Variants in VSTM4 observed in about 807,000 individuals in gnomAD.
VSTM4 encodes the protein V-set and transmembrane domain-containing protein 4.
VSTM4 carries 20 observed loss-of-function variants against 36.4 expected under a neutral mutation model. The observed-to-expected ratio is 0.55, with a 90% CI of 0.39 to 0.80. VSTM4 has a LOEUF of 0.80. Ranked by LOEUF, VSTM4 falls within the 30% of genes least tolerant of loss-of-function variation. The pLI is 0.00. For synonymous variants in VSTM4, 182 were observed against 173.9 expected (o/e 1.05, Z -0.37); for missense variants, 392 against 404.5 (o/e 0.97, Z 0.26).
chr10:49,051,084 G>T (rs1032932079), intron 5 of VSTM4, among the ~76,000 whole-genome samples: 1 of 152,036 alleles, frequency 6.6e-6, no homozygotes, highest in African/African-American at 2.4e-5. Flanking sequence ...GTCACCTTAG[G>T]GTTCACTCTT....
rs1023927374 is a variant in VSTM4, at chr10:49,043,712, C to A, written c.837+3271G>T. Among the ~76,000 whole-genome samples, 4 of 152,174 alleles carry A rather than the reference C, an allele frequency of 2.6e-5. No individual in the cohort carries two copies. In the South Asian group the frequency reaches 6.2e-4, roughly 24 times the overall value. On this transcript the variant is annotated intron_variant, in intron 7 of 7. Coordinates refer to ENST00000332853, the MANE Select transcript of VSTM4 (RefSeq NM_001031746.5). ...AAATAATGATTGTTGAAATAGAAGG[C>A]ATAAGGTAAAATAAAAAAGAGTCTG...
chr10:49,102,449 A>G (rs1844685485), intron 2 of VSTM4: 32 of 985,340 alleles, frequency 3.2e-5, no homozygotes, highest in Non-Finnish European at 3.9e-5. Flanking sequence ...TTTTATGTAT[A>G]ATATTTTTGA....
chr10:49,064,790 A>G (rs1843943562), intron 4 of VSTM4, 54 bp from the exon 5 acceptor site: 2 of 1,569,580 alleles, frequency 1.3e-6, no homozygotes, highest in Admixed American at 1.8e-5. Flanking sequence ...TCAGATATAT[A>G]TGCTCCAGGA....
At chr10:49,109,131 C>T (rs1241097788) in intron 1 of VSTM4, among the ~76,000 whole-genome samples, 2 of 152,212 alleles carry the variant, frequency 1.3e-5, no homozygotes, top group Non-Finnish European at 2.9e-5. Flanking sequence ...CTCCACCCCC[C>T]CACACAAGCA....
chr10:49,061,556 T>G (rs74870584), intron 5 of VSTM4, among the ~76,000 whole-genome samples: 3,180 of 152,266 alleles, frequency 0.021, 90 homozygotes, highest in South Asian at 0.12. Context: ...GTTTAAATTT[T>G]GTGGTTCTGT....
At chr10:49,102,747 G>A (rs1368021366) in intron 2 of VSTM4, 1 of 985,450 alleles carries the variant, frequency 1.0e-6, no homozygotes, top group Non-Finnish European at 1.2e-6. Flanking sequence ...AGTTGCTAAT[G>A]ACACTTGACA....
intron 1 of VSTM4, among the ~76,000 whole-genome samples, chr10:49,108,203 A>T (rs1263278203): frequency 6.6e-6 from 1 of 152,068 alleles, no homozygotes; most frequent in Admixed American, 6.6e-5. Flanking sequence ...CATCTATGGG[A>T]CCACCCTGTC....
At chr10:49,091,103 C>T (rs952895115) in intron 2 of VSTM4, among the ~76,000 whole-genome samples, 14 of 152,330 alleles carry the variant, frequency 9.2e-5, no homozygotes, top group Non-Finnish European at 1.9e-4. Flanking sequence ...CAGCTGTTAT[C>T]GGAACTAAAG....
intron 7 of VSTM4, among the ~76,000 whole-genome samples, 155 bp from the exon 8 acceptor site, chr10:49,019,930 A>T (rs1415220722): frequency 1.3e-5 from 2 of 152,218 alleles, no homozygotes; most frequent in African/African-American, 2.4e-5. Flanking sequence ...ATATCCAATA[A>T]CATAATTAAT....
intron 2 of VSTM4, among the ~76,000 whole-genome samples, chr10:49,089,065 G>T (rs1479555594): frequency 1.3e-5 from 2 of 152,230 alleles, no homozygotes; most frequent in Non-Finnish European, 2.9e-5. Context: ...TGCTCACAGG[G>T]TTGAAAGACT....
Position 49,017,926 on chromosome 10 carries a change from C to A in VSTM4, c.*1724G>T, listed in dbSNP as rs1172290478. On this transcript the variant is annotated 3_prime_UTR_variant, in exon 8 of 8. Transcript: ENST00000332853. ...ATGCTCAAAGAAGTTCTAGTGAGTT[C>A]TTCCAAATGGTTCTTTCTTCCTCAA... 6.6e-6 allele frequency: 1 copy of A among 152,220 alleles called. No homozygotes were observed. The highest frequency in any genetic ancestry group is 1.5e-5 in the Non-Finnish European group (1 of 68,040). The allele number at this position is 152,220 out of a possible 1,614,324, so 9.4% of individuals were successfully genotyped here.
rs79341982 is a variant in VSTM4 at position 49,037,518 on chromosome 10, T to C, written c.837+9465A>G. On this transcript the variant is annotated intron_variant, in intron 7 of 7. Transcript: ENST00000332853. ...TTATTCATCATTCACTCCATATACA[T>C]TGGCCAAAGGGGCGCTCTAGTGACT... 4.2e-3 allele frequency among the ~76,000 whole-genome samples: 642 copies of C among 152,300 alleles called. 33 individuals are homozygous for C. The South Asian group carries it at 0.058, about 14-fold the overall frequency.
chr10:49,091,229 C>T (rs956973655), intron 2 of VSTM4, among the ~76,000 whole-genome samples: 1 of 152,238 alleles, frequency 6.6e-6, no homozygotes, highest in African/African-American at 2.4e-5. Context: ...GGGACCCTAG[C>T]ACCCAATGGG....
chr10:49,038,198 G>C (rs372407562), intron 7 of VSTM4, among the ~76,000 whole-genome samples: 1 of 152,284 alleles, frequency 6.6e-6, no homozygotes, highest in Non-Finnish European at 1.5e-5. Context: ...CCAAAAGATG[G>C]AAGCAACTCC....
chr10:49,030,398 G>T (rs1280563303), intron 7 of VSTM4, among the ~76,000 whole-genome samples: 2 of 152,186 alleles, frequency 1.3e-5, no homozygotes, highest in African/African-American at 4.8e-5. Context: ...GGCACTCTCG[G>T]AGGCACCAAA....
Position 49,035,789 on chromosome 10 carries a change from G to A in VSTM4, c.837+11194C>T, listed in dbSNP as rs1409219304. ...GGAGTTTGAGGCTATAGTGAGCTACGGTTGCCATTGCACTCCAGCCTGGGC... is the reference window on the plus strand; with the variant it reads ...GGAGTTTGAGGCTATAGTGAGCTACAGTTGCCATTGCACTCCAGCCTGGGC... On this transcript the variant is annotated intron_variant, in intron 7 of 7. Transcript: ENST00000332853. Among the ~76,000 whole-genome samples, 4 of 151,876 alleles carry A rather than the reference G, an allele frequency of 2.6e-5. No homozygotes were observed. In the South Asian group the frequency reaches 6.2e-4, roughly 24 times the overall value.
At chr10:49,102,962 T>C (rs1844695103) in intron 2 of VSTM4, 1 of 161,118 alleles carries the variant, frequency 6.2e-6, no homozygotes. Context: ...AGTCAACACA[T>C]AAAATTAACC....
In VSTM4 at chr10:49,017,116, T is replaced by C. The variant is rs1456173452; in HGVS notation, c.*2534A>G. Reference sequence around the variant, plus strand: ...TTCCCTAATTTCTATTTCAATGATATGTGATATGTTTCCCCTTATCTTTGG... The same window carrying C: ...TTCCCTAATTTCTATTTCAATGATACGTGATATGTTTCCCCTTATCTTTGG... On this transcript the variant is annotated 3_prime_UTR_variant, in exon 8 of 8. Transcript: ENST00000332853. The C allele has an allele frequency of 6.6e-6, 1 of 152,268 alleles. No individual in the cohort carries two copies. Among genetic ancestry groups the C allele is most frequent in the Non-Finnish European group, 1.5e-5 (1 of 68,046 alleles). 9.4% of individuals were successfully genotyped at this position (152,268 alleles called of 1,614,324 possible).
intron 2 of VSTM4, among the ~76,000 whole-genome samples, chr10:49,093,104 G>A (rs576986493): frequency 1.3e-5 from 2 of 152,220 alleles, no homozygotes; most frequent in Non-Finnish European, 2.9e-5. Flanking sequence ...ACCAAGGCAC[G>A]AACCCGGGAT....
Sources: allele counts gnomAD v4.1 joint callset (sites outside exome capture counted in the v4.1 genomes callset), GRCh38; gene constraint gnomAD v4.1.1; transcripts MANE v1.5; gene names NCBI Gene and HGNC (gene_info 2026-07-23, HGNC 2026-07-21).